CCDC28A: variants seen among roughly 807,000 people sequenced by gnomAD.
CCDC28A encodes coiled-coil domain-containing protein 28A.
In CCDC28A, 24 loss-of-function variants were observed where a neutral mutation model predicts 22.1. The observed-to-expected ratio is 1.09, with a 90% confidence interval of 0.79 to 1.53. The LOEUF is 1.53. CCDC28A is among the 40% of genes most tolerant of loss of function. The probability of loss-of-function intolerance (pLI) is 0.00; values close to 1 mark genes in which losing one functional copy is unlikely to be tolerated. For synonymous variants in CCDC28A, 83 were observed against 74.7 expected (o/e 1.11, Z -0.57); for missense variants, 170 against 210.7 (o/e 0.81, Z 1.20).
rs34991012 is a variant in CCDC28A, at chr6:138,773,780, G to A, written c.-165G>A. On this transcript the variant is annotated 5_prime_UTR_variant, in exon 1 of 6. Transcript: ENST00000617445. ...CTTACGTCACTTCCGTAAACAAACG[G>A]AGCTGCGGAGGAGCGGGTCCCGGGA... 1.2e-6 allele frequency: 2 copies of A among 1,613,436 alleles called. No individual in the cohort carries two copies. The highest frequency in any genetic ancestry group is 3.3e-5 in the Admixed American group (2 of 59,952).
In CCDC28A at chr6:138,782,064, C is replaced by G. The variant is rs1190424976; in HGVS notation, c.322+2079C>G. ...TGGTATCTTCAGAGTATTTTCACTT[C>G]CCCTCTCTTCCCTTCTTCCCTCCTA... On this transcript the variant is annotated intron_variant, in intron 3 of 5. Transcript: ENST00000617445. 2.6e-5 allele frequency among the ~76,000 whole-genome samples: 4 copies of G among 152,248 alleles called. No individual in the cohort carries two copies. In the South Asian group the frequency reaches 8.3e-4, roughly 32 times the overall value.
intron 1 of CCDC28A, 39 bp downstream of exon 1, chr6:138,773,941 C>T: frequency 6.2e-7 from 1 of 1,603,266 alleles, no homozygotes; most frequent in South Asian, 1.1e-5. Context: ...CAACCTGCCC[C>T]TTTAGGCCCT....
chr6:138,783,268 C>CT (rs36017020), intron 3 of CCDC28A, among the ~76,000 whole-genome samples: 2,048 of 113,596 alleles, frequency 0.018, 58 homozygotes, highest in South Asian at 0.069. Context: ...CGTTATTGAA[C>CT]TTTTTTTTTT....
intron 2 of CCDC28A, among the ~76,000 whole-genome samples, chr6:138,776,915 T>C (rs1263771428): frequency 6.6e-6 from 1 of 152,164 alleles, no homozygotes; most frequent in East Asian, 1.9e-4. Flanking sequence ...AAGAAGAAAT[T>C]CAAAATGCAA....
chr6:138,787,174 T>G (rs1407419640), intron 4 of CCDC28A, among the ~76,000 whole-genome samples: 1 of 152,124 alleles, frequency 6.6e-6, no homozygotes, highest in East Asian at 1.9e-4. Flanking sequence ...CCAGAAAGCA[T>G]ATATTGAAAT....
At chr6:138,777,457 G>A (rs1209222770) in intron 2 of CCDC28A, among the ~76,000 whole-genome samples, 17 of 152,176 alleles carry the variant, frequency 1.1e-4, no homozygotes, top group Non-Finnish European at 2.4e-4. Flanking sequence ...AAAAGAAAAC[G>A]AAGAGATTTT....
At chr6:138,786,656 C>G (rs534408449) in intron 4 of CCDC28A, among the ~76,000 whole-genome samples, 1 of 152,246 alleles carries the variant, frequency 6.6e-6, no homozygotes, top group African/African-American at 2.4e-5. Flanking sequence ...ACTTTGTCAC[C>G]CAGGCTGGAG....
rs544299715 is a variant in CCDC28A at position 138,777,333 on chromosome 6, C to T, written c.158+1055C>T. ...TTGGAAGAAGTATTCCAATGAGTAC[C>T]AAATGATAAACAGCAGTTTTGAGGA... is the stretch of plus-strand genomic sequence containing the variant. On this transcript the variant is annotated intron_variant, in intron 2 of 5. Coordinates refer to ENST00000617445, the MANE Select transcript of CCDC28A (RefSeq NM_015439.3). Among the ~76,000 whole-genome samples, 11 of 152,244 alleles carry T rather than the reference C, an allele frequency of 7.2e-5. No individual in the cohort carries two copies. The South Asian group carries it at 2.3e-3, about 32-fold the overall frequency.
At chr6:138,782,973 G>A (rs2114905707) in intron 3 of CCDC28A, among the ~76,000 whole-genome samples, 1 of 152,134 alleles carries the variant, frequency 6.6e-6, no homozygotes, top group South Asian at 2.1e-4. Context: ...CTACTATCAA[G>A]GGATTGCAGA....
intron 5 of CCDC28A, among the ~76,000 whole-genome samples, chr6:138,791,366 G>C (rs1047003119): frequency 2.0e-5 from 3 of 152,120 alleles, no homozygotes; most frequent in African/African-American, 7.2e-5. Context: ...CCAGGCGTGA[G>C]TCACCACGCC....
At position 138,776,224 on chromosome 6, in the gene CCDC28A, C is replaced by T; in HGVS notation, c.104C>T (p.Thr35Ile). 6.2e-7 allele frequency: 1 copy of T among 1,614,124 alleles called. No homozygotes were observed. The highest frequency in any genetic ancestry group is 1.1e-5 in the South Asian group (1 of 91,086). The change falls in exon 2 of 6, where the codon ACA (threonine) becomes ATA (isoleucine). Residue 35 changes from threonine (T) to isoleucine (I), a missense_variant. Physicochemically the swap from Thr to Ile is moderately conservative, Grantham distance 89 (BLOSUM62 -1). Coordinates refer to ENST00000617445, the MANE Select transcript of CCDC28A (RefSeq NM_015439.3). ...AATGCCATTCCAGTGAGTAAAAGCA[C>T]AGGGTTTTCAAATCCTGCATCACAG... ...KKNAIPVSKS[T>I]GFSNPASQST...
At chr6:138,789,324 G>T (rs1045098258) in intron 5 of CCDC28A, among the ~76,000 whole-genome samples, 14 of 152,132 alleles carry the variant, frequency 9.2e-5, no homozygotes, top group African/African-American at 3.1e-4. Context: ...GTAGAGATTT[G>T]ATTTTTGAAG....
chr6:138,786,554 G>A (rs1462812680), intron 4 of CCDC28A, among the ~76,000 whole-genome samples: 1 of 152,104 alleles, frequency 6.6e-6, no homozygotes, highest in Admixed American at 6.5e-5. Context: ...ACTATTTCGA[G>A]TCTATAATCT....
Position 138,773,796 on chromosome 6 carries a change from G to C in CCDC28A, c.-149G>C. On this transcript the variant is annotated 5_prime_UTR_variant, in exon 1 of 6. Coordinates refer to ENST00000617445, the MANE Select transcript of CCDC28A (RefSeq NM_015439.3). The stretch of plus-strand genomic sequence containing the variant: ...AAACAAACGGAGCTGCGGAGGAGCG[G>C]GTCCCGGGATGTGACCGGGGCTCTG... The C allele has an allele frequency of 6.2e-7, 1 of 1,613,942 alleles. No homozygotes were observed.
chr6:138,777,856 T>C, intron 2 of CCDC28A, among the ~76,000 whole-genome samples: 1 of 152,242 alleles, frequency 6.6e-6, no homozygotes, highest in Non-Finnish European at 1.5e-5. Flanking sequence ...TGAAACCTTA[T>C]ACTCTGTAAT....
rs544509603 is a variant in CCDC28A, at chr6:138,793,138, A to AAAC, written c.*336_*338dup. 54 of 260,600 alleles carry AAAC rather than the reference A, an allele frequency of 2.1e-4. No homozygotes were observed. The East Asian group carries it at 5.5e-3, about 27-fold the overall frequency. The allele number at this position is 260,600 out of a possible 1,614,324, so 16.1% of individuals were successfully genotyped here. A position where few individuals can be genotyped will look rare whatever the true frequency, so the allele number is the denominator to read the frequency against. Reference sequence around the variant, plus strand: ...GGGATTTCTCTTTCCTGAGCTCACCAAACTTATTCCAGTGTTGATCGCAAG... The same window carrying AAAC: ...GGGATTTCTCTTTCCTGAGCTCACCAAACAACTTATTCCAGTGTTGATCGCAAG... On this transcript the variant is annotated 3_prime_UTR_variant, in exon 6 of 6. Coordinates refer to ENST00000617445, the MANE Select transcript of CCDC28A (RefSeq NM_015439.3).
intron 1 of CCDC28A, among the ~76,000 whole-genome samples, chr6:138,774,346 G>T (rs1299822490): frequency 6.6e-6 from 1 of 152,124 alleles, no homozygotes; most frequent in Non-Finnish European, 1.5e-5. Context: ...AGGCCAGCGT[G>T]TTTATGCGTA....
intron 2 of CCDC28A, among the ~76,000 whole-genome samples, chr6:138,778,803 T>C (rs1439766415): frequency 6.6e-6 from 1 of 151,204 alleles, no homozygotes; most frequent in Non-Finnish European, 1.5e-5. Flanking sequence ...AGTCTCGCTC[T>C]GTCACCCAGG....
At chr6:138,783,267 A>C (rs571874882) in intron 3 of CCDC28A, among the ~76,000 whole-genome samples, 137 of 141,220 alleles carry the variant, frequency 9.7e-4, no homozygotes, top group African/African-American at 3.4e-3. Context: ...TCGTTATTGA[A>C]CTTTTTTTTT....
Sources: allele counts gnomAD v4.1 joint callset (sites outside exome capture counted in the v4.1 genomes callset), GRCh38; gene constraint gnomAD v4.1.1; transcripts MANE v1.5; gene names NCBI Gene and HGNC (gene_info 2026-07-23, HGNC 2026-07-21).